ANXA11: variants seen among roughly 807,000 people sequenced by gnomAD.
ANXA11 encodes 56 kDa autoantigen.
A neutral mutation model predicts 64.7 loss-of-function variants in ANXA11; 57 were observed. The ratio of observed to expected loss-of-function variants is 0.88; its 90% CI spans 0.71 to 1.10. ANXA11 has a LOEUF of 1.10. Among genes scored for constraint, ANXA11 ranks in the 50% least tolerant of loss-of-function variants. ANXA11 has a pLI of 0.00. For synonymous variants in ANXA11, 260 were observed against 265.2 expected (o/e 0.98, Z 0.19); for missense variants, 675 against 670.7 (o/e 1.01, Z -0.07).
rs773424974 is a variant in ANXA11, at chr10:80,155,920, C to T, written c.1459-8G>A. The T allele has an allele frequency of 1.9e-6, 3 of 1,613,924 alleles. No individual in the cohort carries two copies. The highest frequency in any genetic ancestry group is 1.3e-5 in the African/African-American group (1 of 75,026). ...ATCCCCTGAAGTATCTCCCTGGCCACAGAAACAAGGAAGACATCCGTTAAG... is the reference window on the plus strand; with the variant it reads ...ATCCCCTGAAGTATCTCCCTGGCCATAGAAACAAGGAAGACATCCGTTAAG... On this transcript the variant is annotated splice_polypyrimidine_tract_variant and splice_region_variant and intron_variant, in intron 15 of 15. Transcript: ENST00000422982.
In ANXA11 at chr10:80,153,580, A is replaced by G. The variant is rs893879156; in HGVS notation, c.*2273T>C. 6 of 152,256 alleles carry G rather than the reference A, an allele frequency of 3.9e-5. No individual in the cohort carries two copies. The highest frequency in any genetic ancestry group is 1.4e-4 in the African/African-American group (6 of 41,458). 9.4% of individuals were successfully genotyped at this position (152,256 alleles called of 1,614,324 possible). A position where few individuals can be genotyped will look rare whatever the true frequency, so the allele number is the denominator to read the frequency against. On this transcript the variant is annotated 3_prime_UTR_variant, in exon 16 of 16. Coordinates refer to ENST00000422982, the MANE Select transcript of ANXA11 (RefSeq NM_145868.2). ...CCCAGGGTCACCTTGAGTTCATGGC[A>G]AGTTGTATATGCCAAGCACCCCATC...
chr10:80,201,108 C>G (rs1840399553), intron 1 of ANXA11, among the ~76,000 whole-genome samples: 1 of 152,116 alleles, frequency 6.6e-6, no homozygotes, highest in South Asian at 2.1e-4. Flanking sequence ...TCATCAGATC[C>G]TCACGTCCTG....
chr10:80,196,326 A>C (rs1840168375), intron 1 of ANXA11, among the ~76,000 whole-genome samples: 1 of 152,136 alleles, frequency 6.6e-6, no homozygotes, highest in Admixed American at 6.5e-5. Flanking sequence ...GCTGTAGGAC[A>C]GGCCTCTCTT....
intron 6 of ANXA11, 35 bp from the exon 7 acceptor site, chr10:80,167,019 G>C (rs894719094): frequency 5.3e-5 from 79 of 1,493,198 alleles, no homozygotes; most frequent in Non-Finnish European, 7.0e-5. Flanking sequence ...GGTCGGGTAG[G>C]GGTCATGAGA....
At position 80,163,895 on chromosome 10, in the gene ANXA11, G is replaced by A. The variant is rs185389160; in HGVS notation, c.949+158C>T. On this transcript the variant is annotated intron_variant, in intron 9 of 15. Transcript: ENST00000422982. Reference sequence around the variant, plus strand: ...ATGTATAAACAGAAGGAAGGGCTGGGTCTTGGGTCAAAGCCCAAAGTATTG... The same window carrying A: ...ATGTATAAACAGAAGGAAGGGCTGGATCTTGGGTCAAAGCCCAAAGTATTG... Among the ~76,000 whole-genome samples the A allele has an allele frequency of 3.3e-5, 5 of 152,346 alleles. No individual in the cohort carries two copies. In the East Asian group the frequency reaches 7.7e-4, roughly 24 times the overall value.
At chr10:80,163,471 G>A (rs377649490) in intron 10 of ANXA11, 63 bp downstream of exon 10, 236 of 1,609,896 alleles carry the variant, frequency 1.5e-4, no homozygotes, top group Admixed American at 7.2e-4. Context: ...TCCTCATTGC[G>A]GGGATCCCAT....
At chr10:80,199,072 G>A (rs1391954458) in intron 1 of ANXA11, among the ~76,000 whole-genome samples, 5 of 150,582 alleles carry the variant, frequency 3.3e-5, no homozygotes, top group Non-Finnish European at 5.9e-5. Flanking sequence ...TTTTATTTAC[G>A]AAGATTCCAT....
Position 80,192,054 on chromosome 10 carries a change from T to G in ANXA11, c.-58+13289A>C, listed in dbSNP as rs550330203. ...TAGAGAGGCTTCCTGTCCTCAGAGC[T>G]GCTGGCGGACTCAGGCCCAGTTCTC... On this transcript the variant is annotated intron_variant, in intron 1 of 15. Coordinates refer to ENST00000422982, the MANE Select transcript of ANXA11 (RefSeq NM_145868.2). Among the ~76,000 whole-genome samples the G allele has an allele frequency of 6.7e-4, 102 of 152,314 alleles. 1 individual carries two copies. The highest frequency in any genetic ancestry group is 1.4e-3 in the Non-Finnish European group (92 of 68,024).
At chr10:80,168,385 A>G (rs1170965663) in intron 5 of ANXA11, among the ~76,000 whole-genome samples, 1 of 152,084 alleles carries the variant, frequency 6.6e-6, no homozygotes, top group Non-Finnish European at 1.5e-5. Context: ...AATAAGGAGT[A>G]CTCGCCAGGG....
chr10:80,171,763 G>A, intron 3 of ANXA11: 1 of 985,534 alleles, frequency 1.0e-6, no homozygotes, highest in Non-Finnish European at 1.2e-6. Context: ...TAAATTTCCT[G>A]CCTCCTCCTC....
At chr10:80,166,044 A>ACACG in intron 8 of ANXA11, 40 bp downstream of exon 8, 8 of 173,880 alleles carry the variant, frequency 4.6e-5, no homozygotes, top group East Asian at 3.2e-4. Flanking sequence ...ACACGCGCGC[A>ACACG]CACACACACA....
chr10:80,158,325 C>A lies in ANXA11; in HGVS notation c.1277-300G>T, dbSNP rs567389571. ...TGGGGCTAGGAGCTACACAGGGAAG[C>A]AATGTGGATGGTGATGAGGAACTGT... On this transcript the variant is annotated intron_variant, in intron 13 of 15. Coordinates refer to ENST00000422982, the MANE Select transcript of ANXA11 (RefSeq NM_145868.2). Among the ~76,000 whole-genome samples the A allele has an allele frequency of 2.0e-5, 3 of 152,198 alleles. No homozygotes were observed. In the South Asian group the frequency reaches 6.2e-4, roughly 32 times the overall value.
At chr10:80,185,980 GGTACTTCATTAAA>G (rs1242502207) in intron 1 of ANXA11, among the ~76,000 whole-genome samples, 2 of 150,830 alleles carry the variant, frequency 1.3e-5, no homozygotes, top group Non-Finnish European at 2.9e-5. Flanking sequence ...CTTCATTAAA[GGTACTTCATTAAA>G]GTACTTCATT....
At chr10:80,188,212 A>T (rs1216877109) in intron 1 of ANXA11, among the ~76,000 whole-genome samples, 1 of 151,968 alleles carries the variant, frequency 6.6e-6, no homozygotes, top group Non-Finnish European at 1.5e-5. Context: ...ACATCACAGG[A>T]CAGTCACAAG....
chr10:80,179,152 T>C (rs1330582601), intron 1 of ANXA11, among the ~76,000 whole-genome samples: 1 of 152,302 alleles, frequency 6.6e-6, no homozygotes, highest in South Asian at 2.1e-4. Flanking sequence ...GTTCTCATGA[T>C]AGGGTTCTGG....
At chr10:80,167,517 T>A (rs1366372645) in intron 5 of ANXA11, among the ~76,000 whole-genome samples, 2 of 152,186 alleles carry the variant, frequency 1.3e-5, no homozygotes, top group Non-Finnish European at 2.9e-5. Flanking sequence ...GTACTGAAGC[T>A]TTTTCCTGGC....
At chr10:80,159,935 T>TGCCCCAGCCA (rs1252903248) in intron 12 of ANXA11, among the ~76,000 whole-genome samples, 2 of 152,188 alleles carry the variant, frequency 1.3e-5, no homozygotes, top group Non-Finnish European at 2.9e-5. Flanking sequence ...AGGCCCAGCC[T>TGCCCCAGCCA]GCCCCAGCCA....
At chr10:80,160,883 G>A (rs2132373443) in intron 12 of ANXA11, among the ~76,000 whole-genome samples, 2 of 152,150 alleles carry the variant, frequency 1.3e-5, no homozygotes, top group Non-Finnish European at 2.9e-5. Context: ...TTGGCCTAAA[G>A]AAACCCTGTA....
chr10:80,162,151 T>C lies in ANXA11; in HGVS notation c.1087-123A>G. The C allele has an allele frequency of 4.0e-6, 3 of 744,116 alleles. No individual in the cohort carries two copies. In the South Asian group the frequency reaches 5.2e-5, roughly 13 times the overall value. 46.1% of individuals were successfully genotyped at this position (744,116 alleles called of 1,614,324 possible). A position where few individuals can be genotyped will look rare whatever the true frequency, so the allele number is the denominator to read the frequency against. On this transcript the variant is annotated intron_variant, in intron 11 of 15. Transcript: ENST00000422982. The stretch of plus-strand genomic sequence containing the variant: ...CTAAAGTATTTGCCAATTTGCAACC[T>C]CTGAACTAGATGGCCTCTAAAGTGC...
Sources: gnomAD v4.1 joint callset for allele counts (sites outside exome capture counted in the v4.1 genomes callset) on GRCh38, gnomAD v4.1.1 for gene constraint, MANE v1.5 for transcripts, NCBI Gene and HGNC (gene_info 2026-07-23, HGNC 2026-07-21) for gene names.